The following THOC1 variants were observed in gnomAD, a reference collection of about 807,000 sequenced individuals.
The protein encoded by THOC1 is THO complex subunit 1.
THOC1 carries 29 observed loss-of-function variants against 97.3 expected under a neutral mutation model. The ratio of observed to expected loss-of-function variants is 0.30; its 90% CI spans 0.22 to 0.41. THOC1 has a LOEUF of 0.41. THOC1 is among the 10% of genes least tolerant of loss of function. The pLI is 1.00. For synonymous variants in THOC1, 255 were observed against 257.0 expected (o/e 0.99, Z 0.07); for missense variants, 529 against 761.9 (o/e 0.69, Z 3.60).
At chr18:232,446 T>C (rs1214247682) in intron 11 of THOC1, among the ~76,000 whole-genome samples, 1 of 151,978 alleles carries the variant, frequency 6.6e-6, no homozygotes, top group East Asian at 1.9e-4. Flanking sequence ...ACCCCTGCTA[T>C]AATTAATCCA....
At chr18:236,506 G>A (rs1174711884) in intron 11 of THOC1, among the ~76,000 whole-genome samples, 2 of 139,304 alleles carry the variant, frequency 1.4e-5, no homozygotes, top group African/African-American at 2.7e-5. Flanking sequence ...ACAGGCGCCC[G>A]CTACCACGCC....
intron 11 of THOC1, among the ~76,000 whole-genome samples, chr18:237,092 TA>T (rs774873561): frequency 1.3e-5 from 2 of 151,862 alleles, no homozygotes; most frequent in Admixed American, 6.6e-5. Context: ...CTACTGTATA[TA>T]AGTCTGATCA....
At chr18:256,276 T>C (rs905165104) in intron 7 of THOC1, among the ~76,000 whole-genome samples, 3 of 152,174 alleles carry the variant, frequency 2.0e-5, no homozygotes, top group African/African-American at 4.8e-5. Context: ...CTAGATGCCA[T>C]AAAGAACACT....
chr18:221,820 C>T (rs182636081), intron 17 of THOC1, among the ~76,000 whole-genome samples: 7 of 152,028 alleles, frequency 4.6e-5, no homozygotes, highest in African/African-American at 1.4e-4. Flanking sequence ...GTGTTAGCCA[C>T]GATGGTCTCT....
chr18:218,696 GCTTAGTTAACAGGAATAATC>G (rs1477427235), intron 18 of THOC1, among the ~76,000 whole-genome samples, 170 bp downstream of exon 18: 1 of 152,036 alleles, frequency 6.6e-6, no homozygotes, highest in Admixed American at 6.6e-5. Context: ...TCCAAGTCAT[GCTTAGTTAACAGGAATAATC>G]CTTGAAATCA....
chr18:219,620 CAATA>C (rs1452720459), intron 17 of THOC1, among the ~76,000 whole-genome samples: 2 of 152,092 alleles, frequency 1.3e-5, no homozygotes, highest in South Asian at 4.2e-4. Context: ...TCAAAAAGGA[CAATA>C]AATAAAGGGG....
Position 254,692 on chromosome 18 carries a change from C to CATT in THOC1, c.521-340_521-338dup, listed in dbSNP as rs1912383614. On this transcript the variant is annotated intron_variant, in intron 7 of 20. Transcript: ENST00000261600. This position sits in a 1 kb window ranked among gnomAD's most constrained non-coding sequence, Gnocchi z 4.1. ...ATTCTCACAATATTTCAAACTTTTT[C>CATT]ATTATTATTATATCTGTTATGATGA... Among the ~76,000 whole-genome samples the CATT allele has an allele frequency of 6.6e-6, 1 of 152,052 alleles. No homozygotes were observed. The highest frequency in any genetic ancestry group is 2.1e-4 in the South Asian group (1 of 4,822).
At chr18:226,219 T>G (rs548381083) in intron 12 of THOC1, 7 of 152,260 alleles carry the variant, frequency 4.6e-5, no homozygotes, top group Non-Finnish European at 5.9e-5. Flanking sequence ...GGTAGTGAAG[T>G]CATTATACAA....
chr18:240,095 G>A (rs1048064468), intron 11 of THOC1, among the ~76,000 whole-genome samples: 2 of 152,186 alleles, frequency 1.3e-5, no homozygotes. Context: ...TGGTCTTTCT[G>A]TTATAGTCAG....
At chr18:250,975 T>A (rs944767651) in intron 9 of THOC1, among the ~76,000 whole-genome samples, 8 of 152,148 alleles carry the variant, frequency 5.3e-5, no homozygotes, top group Non-Finnish European at 1.0e-4. Flanking sequence ...ACTTTATTCA[T>A]GTATAATGAA....
At chr18:252,743 T>C (rs982733332) in intron 8 of THOC1, 131 bp from the exon 9 acceptor site, 1 of 701,216 alleles carries the variant, frequency 1.4e-6, no homozygotes, top group Non-Finnish European at 2.5e-6. Context: ...ACTAACTATC[T>C]AGACCTATAG....
At chr18:256,008 T>G (rs542607049) in intron 7 of THOC1, among the ~76,000 whole-genome samples, 3 of 152,222 alleles carry the variant, frequency 2.0e-5, no homozygotes, top group African/African-American at 7.2e-5. Flanking sequence ...GAAAAAAAGA[T>G]TTCCTTTCAC....
intron 11 of THOC1, among the ~76,000 whole-genome samples, chr18:237,623 G>C (rs1911753653): frequency 6.6e-6 from 1 of 151,960 alleles, no homozygotes; most frequent in South Asian, 2.1e-4. Flanking sequence ...AAAAATACAG[G>C]TTCCACAGTT....
At position 235,001 on chromosome 18, in the gene THOC1, T is replaced by A. The variant is rs17352489; in HGVS notation, c.919-8100A>T. Among the ~76,000 whole-genome samples, 539 of 152,092 alleles carry A rather than the reference T, an allele frequency of 3.5e-3. 1 individual carries two copies. Among genetic ancestry groups the A allele is most frequent in the African/African-American group, 0.012 (502 of 41,530 alleles). On this transcript the variant is annotated intron_variant, in intron 11 of 20. Coordinates refer to ENST00000261600, the MANE Select transcript of THOC1 (RefSeq NM_005131.3). ...TTTGAAGTGTTGATAAGATATGCCT[T>A]AAAAACCTCTGGGCCTGATGTCATT...
intron 10 of THOC1, among the ~76,000 whole-genome samples, chr18:247,280 G>C (rs1912126403): frequency 6.6e-6 from 1 of 152,164 alleles, no homozygotes; most frequent in African/African-American, 2.4e-5. Context: ...AAGGACAACT[G>C]ATCTTTAAGT....
In THOC1 at chr18:245,711, G is replaced by C. The variant is rs550276993; in HGVS notation, c.918+613C>G. On this transcript the variant is annotated intron_variant, in intron 11 of 20. Transcript: ENST00000261600. ...CCACCTGCCTTGGATAGAGAGTCCA[G>C]CAGGCCCAGGCTGCAGTTTTGCTCA... is the stretch of plus-strand genomic sequence containing the variant. 3 of 152,702 alleles carry C rather than the reference G, an allele frequency of 2.0e-5. No homozygotes were observed. In the East Asian group the frequency reaches 5.8e-4, roughly 29 times the overall value. 9.5% of individuals were successfully genotyped at this position (152,702 alleles called of 1,614,324 possible).
chr18:217,437 C>T (rs1406454610), intron 18 of THOC1, among the ~76,000 whole-genome samples: 2 of 152,110 alleles, frequency 1.3e-5, no homozygotes, highest in Non-Finnish European at 2.9e-5. Context: ...TCCACAAAAC[C>T]CTCTTTGGAG....
chr18:250,006 C>T (rs554680969), intron 9 of THOC1, among the ~76,000 whole-genome samples: 1 of 152,324 alleles, frequency 6.6e-6, no homozygotes, highest in South Asian at 2.1e-4. Context: ...AAGAACTTCA[C>T]ATCTAATTTA....
At chr18:262,861 AT>A (rs1289073965) in intron 4 of THOC1, among the ~76,000 whole-genome samples, 2 of 152,106 alleles carry the variant, frequency 1.3e-5, no homozygotes, top group Non-Finnish European at 2.9e-5. Context: ...AATTAATCAA[AT>A]GAGTATTTTA....
Sources: gnomAD v4.1 joint callset for allele counts (sites outside exome capture counted in the v4.1 genomes callset) on GRCh38, gnomAD v4.1.1 for gene constraint, Gnocchi (gnomAD v3.1) non-coding constraint, MANE v1.5 for transcripts, NCBI Gene and HGNC (gene_info 2026-07-23, HGNC 2026-07-21) for gene names.